KCNMA1: variants seen among roughly 807,000 people sequenced by gnomAD.
KCNMA1 encodes potassium calcium-activated channel subfamily M alpha 1.
KCNMA1 carries 29 observed loss-of-function variants against 140.0 expected under a neutral mutation model. The observed-to-expected ratio is 0.21, with a 90% CI of 0.15 to 0.28. KCNMA1 has a LOEUF of 0.28. Ranked by LOEUF, KCNMA1 falls within the 10% of genes least tolerant of loss-of-function variation. KCNMA1 has a pLI of 1.00. For synonymous variants in KCNMA1, 612 were observed against 611.9 expected (o/e 1.00, Z 0.00); for missense variants, 880 against 1,602.2 (o/e 0.55, Z 7.70).
chr10:77,101,755 C>T (rs2153827785), intron 9 of KCNMA1, among the ~76,000 whole-genome samples: 1 of 152,274 alleles, frequency 6.6e-6, no homozygotes, highest in South Asian at 2.1e-4. Flanking sequence ...ATAGGAAACA[C>T]CCCTCATGAG....
At chr10:77,376,352 G>C (rs888958028) in intron 2 of KCNMA1, 2 of 152,108 alleles carry the variant, frequency 1.3e-5, no homozygotes, top group Admixed American at 6.5e-5. Context: ...CTGGGGGAGA[G>C]GGGGAGATAA....
At chr10:77,423,418 A>G (rs1298514697) in intron 1 of KCNMA1, among the ~76,000 whole-genome samples, 1 of 152,162 alleles carries the variant, frequency 6.6e-6, no homozygotes, top group African/African-American at 2.4e-5. Context: ...CAGTCAGAGT[A>G]CCCCAGTTTT....
chr10:77,262,926 C>T (rs1277056914), intron 2 of KCNMA1, among the ~76,000 whole-genome samples: 1 of 152,072 alleles, frequency 6.6e-6, no homozygotes, highest in African/African-American at 2.4e-5. Context: ...GATGATTGCA[C>T]AATGTGAATG....
intron 5 of KCNMA1, chr10:77,140,178 C>T (rs2098133417): frequency 6.6e-6 from 1 of 152,504 alleles, no homozygotes; most frequent in South Asian, 2.1e-4. Context: ...TATCACCTCT[C>T]CACTAGACAG....
intron 1 of KCNMA1, among the ~76,000 whole-genome samples, chr10:77,448,116 C>T (rs1159818602): frequency 6.6e-6 from 1 of 152,042 alleles, no homozygotes; most frequent in East Asian, 1.9e-4. Flanking sequence ...CCAGAGTGTG[C>T]CCATTCTCAT....
intron 9 of KCNMA1, among the ~76,000 whole-genome samples, chr10:77,092,442 A>G (rs150206073): frequency 2.5e-3 from 378 of 152,348 alleles, no homozygotes; most frequent in Non-Finnish European, 4.4e-3. Context: ...CAATAGGGCT[A>G]CTTTGCCATT....
chr10:77,049,850 A>G (rs1594764450), intron 14 of KCNMA1, among the ~76,000 whole-genome samples: 2 of 152,314 alleles, frequency 1.3e-5, no homozygotes, highest in Admixed American at 1.3e-4. Context: ...CTTCCCAAAA[A>G]ACTTCTTACT....
At chr10:77,402,765 C>G (rs1487913872) in intron 2 of KCNMA1, among the ~76,000 whole-genome samples, 1 of 152,254 alleles carries the variant, frequency 6.6e-6, no homozygotes, top group Middle Eastern at 3.4e-3. Flanking sequence ...TTCCAGTGTC[C>G]CTGCCTGGTC....
At chr10:77,488,229 T>C (rs949021247) in intron 1 of KCNMA1, among the ~76,000 whole-genome samples, 3 of 152,168 alleles carry the variant, frequency 2.0e-5, no homozygotes, top group Admixed American at 1.3e-4. Context: ...CACCAAGTTG[T>C]GGCTGTGGCC....
At chr10:76,936,581 G>T (rs1233982974) in intron 23 of KCNMA1, among the ~76,000 whole-genome samples, 3 of 152,146 alleles carry the variant, frequency 2.0e-5, no homozygotes, top group African/African-American at 7.2e-5. Flanking sequence ...AGAGAATATT[G>T]TGGTAATGAA....
chr10:77,033,237 G>C (rs61868793), intron 15 of KCNMA1, among the ~76,000 whole-genome samples: 12,752 of 152,160 alleles, frequency 0.084, 581 homozygotes, highest in Middle Eastern at 0.099. Flanking sequence ...AATGACAGCC[G>C]CTAGAAATCG....
intron 5 of KCNMA1, among the ~76,000 whole-genome samples, chr10:77,155,982 C>T (rs11002050): frequency 0.015 from 2,331 of 152,174 alleles, 36 homozygotes; most frequent in Non-Finnish European, 0.022. Flanking sequence ...AATCCCAGCA[C>T]TTTGGGAGGC....
At chr10:77,408,939 G>C (rs796259372) in intron 1 of KCNMA1, among the ~76,000 whole-genome samples, 22 of 152,282 alleles carry the variant, frequency 1.4e-4, no homozygotes, top group African/African-American at 5.3e-4. Flanking sequence ...ATCAGAAGGT[G>C]GGGAGGAATT....
intron 13 of KCNMA1, among the ~76,000 whole-genome samples, chr10:77,074,953 A>T (rs1432241087): frequency 1.3e-5 from 2 of 152,244 alleles, no homozygotes; most frequent in Non-Finnish European, 2.9e-5. Flanking sequence ...AGAAGGATGG[A>T]AGACTCCATT....
intron 19 of KCNMA1, chr10:76,977,702 G>A: frequency 1.4e-6 from 1 of 700,268 alleles, no homozygotes; most frequent in Non-Finnish European, 2.6e-6. Flanking sequence ...CACAGATCTG[G>A]GGACATTGGG....
chr10:77,470,648 A>G (rs1283838300), intron 1 of KCNMA1, among the ~76,000 whole-genome samples: 2 of 152,200 alleles, frequency 1.3e-5, no homozygotes, highest in African/African-American at 4.8e-5. Context: ...AAGGCACTTG[A>G]CCATAATCCT....
chr10:77,588,746 G>A (rs1188970636), intron 1 of KCNMA1, among the ~76,000 whole-genome samples: 1 of 152,230 alleles, frequency 6.6e-6, no homozygotes, highest in Non-Finnish European at 1.5e-5. Context: ...TGGCCAAACA[G>A]CAAGAGGAAA....
intron 5 of KCNMA1, among the ~76,000 whole-genome samples, chr10:77,135,111 A>C (rs1428094606): frequency 2.0e-5 from 3 of 151,632 alleles, no homozygotes; most frequent in Admixed American, 6.6e-5. Context: ...ATAAGGGCTT[A>C]ATATTCAAAA....
intron 2 of KCNMA1, among the ~76,000 whole-genome samples, chr10:77,363,806 T>G (rs1442379299): frequency 6.6e-6 from 1 of 152,170 alleles, no homozygotes; most frequent in East Asian, 1.9e-4. Flanking sequence ...TCAGCTCAAA[T>G]GTTGCCTCCT....
Sources: allele counts gnomAD v4.1 joint callset (sites outside exome capture counted in the v4.1 genomes callset), GRCh38; gene constraint gnomAD v4.1.1; transcripts MANE v1.5; gene names NCBI Gene and HGNC (gene_info 2026-07-23, HGNC 2026-07-21).